SGK3: variants seen among roughly 807,000 people sequenced by gnomAD.
SGK3 encodes the protein serum/glucocorticoid regulated kinase family member 3.
Under a neutral mutation model 68.5 loss-of-function variants are expected in SGK3, and 47 were observed. That is an observed-to-expected ratio of 0.69 (90% confidence interval 0.54 to 0.87). The LOEUF (loss-of-function observed/expected upper bound fraction) is 0.87. SGK3 is among the 40% of genes least tolerant of loss of function. The pLI is 0.00. For missense variants in SGK3, 479 were observed against 575.5 expected, an observed-to-expected ratio of 0.83 and a Z score of 1.72; for synonymous variants, 181 against 189.1, an observed-to-expected ratio of 0.96 and a Z score of 0.35.
At position 66,861,885 on chromosome 8, in the gene SGK3, T is replaced by G. The variant is rs568504249; in HGVS notation, c.*2304T>G. 2.0e-5 allele frequency: 3 copies of G among 152,332 alleles called. No homozygotes were observed. In the South Asian group the frequency reaches 6.2e-4, roughly 32 times the overall value. 9.4% of individuals were successfully genotyped at this position (152,332 alleles called of 1,614,324 possible). On this transcript the variant is annotated 3_prime_UTR_variant, in exon 17 of 17. Coordinates refer to ENST00000521198, the MANE Select transcript of SGK3 (RefSeq NM_001033578.3). ...TTCTTGTATGATTTTTTGTACTCAT[T>G]CATTCCTGTTAAGCTGCCAAAAATT...
At chr8:66,780,478 G>A (rs1354331474) in intron 1 of SGK3, among the ~76,000 whole-genome samples, 2 of 152,196 alleles carry the variant, frequency 1.3e-5, no homozygotes, top group Admixed American at 1.3e-4. Flanking sequence ...TTAAGTTGGG[G>A]AGGGAGCACA....
At chr8:66,729,471 GA>G (rs112477356) in intron 1 of SGK3, among the ~76,000 whole-genome samples, 20,207 of 144,840 alleles carry the variant, frequency 0.14, 2,562 homozygotes, top group African/African-American at 0.34. Context: ...AAAGAAAAAA[GA>G]AAAAAAAAAA....
chr8:66,841,118 A>G lies in SGK3; in HGVS notation c.978+8A>G. On this transcript the variant is annotated splice_region_variant and intron_variant, in intron 13 of 16. Transcript: ENST00000521198. ...TTTTGTGGGACACCAGAGGTAAGAA[A>G]TATATCTCATTGTCATTTATATAAT... is the stretch of plus-strand genomic sequence containing the variant. 1 of 1,566,704 alleles carries G rather than the reference A, an allele frequency of 6.4e-7. No individual in the cohort carries two copies. The highest frequency in any genetic ancestry group is 8.6e-7 in the Non-Finnish European group (1 of 1,157,634).
At chr8:66,805,867 C>G (rs1808137805) in intron 4 of SGK3, among the ~76,000 whole-genome samples, 1 of 152,196 alleles carries the variant, frequency 6.6e-6, no homozygotes, top group Admixed American at 6.5e-5. Flanking sequence ...ATCTTGGTCA[C>G]TACTCAAGAT....
Position 66,766,454 on chromosome 8 carries a change from C to G in SGK3, c.-121-27162C>G, listed in dbSNP as rs1263224420. Among the ~76,000 whole-genome samples the G allele has an allele frequency of 5.9e-5, 9 of 152,054 alleles. 1 individual carries two copies. The highest frequency in any genetic ancestry group is 5.9e-4 in the Admixed American group (9 of 15,258). ...TGGAGAATTGCTTGAACCTAGGAGG[C>G]AGAGAGGTTGCAGTGAGCCGAGATT... On this transcript the variant is annotated intron_variant, in intron 1 of 16. Coordinates refer to ENST00000521198, the MANE Select transcript of SGK3 (RefSeq NM_001033578.3).
chr8:66,719,657 T>C (rs1239055608), intron 1 of SGK3, among the ~76,000 whole-genome samples: 1 of 152,220 alleles, frequency 6.6e-6, no homozygotes, highest in East Asian at 1.9e-4. Context: ...TAGACATCTA[T>C]AGATCTATAT....
intron 1 of SGK3, among the ~76,000 whole-genome samples, chr8:66,762,151 T>A (rs770113337): frequency 1.3e-5 from 2 of 152,164 alleles, no homozygotes; most frequent in Non-Finnish European, 2.9e-5. Flanking sequence ...GTATTTTTAG[T>A]AGAGACAGGG....
intron 1 of SGK3, among the ~76,000 whole-genome samples, chr8:66,766,019 C>T (rs560975345): frequency 4.3e-4 from 61 of 143,098 alleles, no homozygotes; most frequent in Middle Eastern, 6.9e-3. Flanking sequence ...AGCAATACTC[C>T]GTCAAAAAAA....
At chr8:66,849,802 C>T (rs968884883) in intron 15 of SGK3, among the ~76,000 whole-genome samples, 19 of 152,000 alleles carry the variant, frequency 1.3e-4, no homozygotes, top group Admixed American at 1.2e-3. Flanking sequence ...TGGGTTTGAA[C>T]TCCTGGGTTC....
rs917540759 is a variant in SGK3 at position 66,859,773 on chromosome 8, A to C, written c.*192A>C. 2 of 553,638 alleles carry C rather than the reference A, an allele frequency of 3.6e-6. No homozygotes were observed. The highest frequency in any genetic ancestry group is 5.6e-6 in the Non-Finnish European group (2 of 357,600). 34.3% of individuals were successfully genotyped at this position (553,638 alleles called of 1,614,324 possible). On this transcript the variant is annotated 3_prime_UTR_variant, in exon 17 of 17. Coordinates refer to ENST00000521198, the MANE Select transcript of SGK3 (RefSeq NM_001033578.3). ...CATTTCAAAGAGCTGTTTTGATTAA[A>C]ATTTATATTCTTGTTTAATAAGCTT...
chr8:66,717,921 C>T (rs75018076), intron 1 of SGK3, among the ~76,000 whole-genome samples: 21,018 of 152,044 alleles, frequency 0.14, 2,795 homozygotes, highest in African/African-American at 0.35. Context: ...AGGCAGGTCT[C>T]GAACTCCTGG....
chr8:66,814,239 A>T (rs1808492305), intron 5 of SGK3, among the ~76,000 whole-genome samples: 1 of 152,222 alleles, frequency 6.6e-6, no homozygotes, highest in Non-Finnish European at 1.5e-5. Context: ...GCATTTAAGT[A>T]CCTGCTACTT....
chr8:66,780,943 G>A (rs566127466), intron 1 of SGK3, among the ~76,000 whole-genome samples: 1 of 152,170 alleles, frequency 6.6e-6, no homozygotes, highest in African/African-American at 2.4e-5. Context: ...TATGAGACAT[G>A]ATGGTGATTT....
chr8:66,750,891 C>G (rs1805793569), intron 1 of SGK3, among the ~76,000 whole-genome samples: 1 of 150,730 alleles, frequency 6.6e-6, no homozygotes, highest in South Asian at 2.1e-4. Context: ...CCTATAGTCT[C>G]AACTGCTTGG....
intron 1 of SGK3, among the ~76,000 whole-genome samples, chr8:66,723,426 A>C (rs1199814722): frequency 4.0e-5 from 6 of 151,660 alleles, no homozygotes; most frequent in Admixed American, 4.0e-4. Context: ...CCTGGGCAAC[A>C]AGAGTGAAAC....
At chr8:66,840,339 C>T (rs139923961) in intron 12 of SGK3, 92 bp downstream of exon 12, 7 of 1,202,056 alleles carry the variant, frequency 5.8e-6, no homozygotes, top group African/African-American at 3.1e-5. Flanking sequence ...TTCTGTACTG[C>T]GTTATTTTAT....
chr8:66,835,639 G>T, intron 8 of SGK3, 124 bp from the exon 9 acceptor site: 2 of 1,002,510 alleles, frequency 2.0e-6, no homozygotes, highest in Non-Finnish European at 2.8e-6. Flanking sequence ...ACAAAAACAT[G>T]ATCTAGGTCC....
At chr8:66,824,918 A>G (rs1173288070) in intron 6 of SGK3, among the ~76,000 whole-genome samples, 1 of 152,214 alleles carries the variant, frequency 6.6e-6, no homozygotes, top group African/African-American at 2.4e-5. Context: ...AAGGTTATGG[A>G]TTTTAAAAAA....
chr8:66,758,011 T>TACACACACACAC lies in SGK3; in HGVS notation c.-121-35590_-121-35579dup, dbSNP rs374764386. Among the ~76,000 whole-genome samples, 496 of 133,692 alleles carry TACACACACACAC rather than the reference T, an allele frequency of 3.7e-3. 2 individuals are homozygous for TACACACACACAC. The highest frequency in any genetic ancestry group is 0.012 in the African/African-American group (425 of 35,106). The allele number at this position is 133,692 out of a possible 152,430, so 87.7% of individuals were successfully genotyped here. Reference sequence around the variant, plus strand: ...TATGTATATATATACACACACACACTACACACACACACACACACACACACA... The same window carrying TACACACACACAC: ...TATGTATATATATACACACACACACTACACACACACACACACACACACACACACACACACACA... On this transcript the variant is annotated intron_variant, in intron 1 of 16. Coordinates refer to ENST00000521198, the MANE Select transcript of SGK3 (RefSeq NM_001033578.3).
Sources: allele counts gnomAD v4.1 joint callset (sites outside exome capture counted in the v4.1 genomes callset), GRCh38; gene constraint gnomAD v4.1.1; transcripts MANE v1.5; gene names NCBI Gene and HGNC (gene_info 2026-07-23, HGNC 2026-07-21).